The following SOX6 variants were observed in gnomAD, a reference collection of about 807,000 sequenced individuals.
SOX6 encodes the protein SRY-box transcription factor 6, also known as transcription factor SOX-6.
Under a neutral mutation model 97.8 loss-of-function variants are expected in SOX6, and 11 were observed. That is an observed-to-expected ratio of 0.11 (90% CI 0.07 to 0.19). The LOEUF is 0.19. Among genes scored for constraint, SOX6 ranks in the 10% least tolerant of loss-of-function variants. The probability of loss-of-function intolerance (pLI) is 1.00; values close to 1 mark genes in which losing one functional copy is unlikely to be tolerated. For missense variants in SOX6, 810 were observed against 1,039.5 expected (o/e 0.78, Z 3.04); for synonymous variants, 360 against 371.4 (o/e 0.97, Z 0.35).
At chr11:16,393,394 G>A (rs1478867988) in intron 1 of SOX6, among the ~76,000 whole-genome samples, 2 of 140,470 alleles carry the variant, frequency 1.4e-5, no homozygotes, top group Non-Finnish European at 1.6e-5. Flanking sequence ...AATACTTCCT[G>A]GCATTTGTTT....
intron 3 of SOX6, among the ~76,000 whole-genome samples, chr11:16,694,814 A>G (rs1214442389): frequency 6.6e-6 from 1 of 152,160 alleles, no homozygotes; most frequent in Admixed American, 6.6e-5. Flanking sequence ...CAACCAACAA[A>G]AGATCAAAAA....
At chr11:16,564,901 C>T (rs1362424062) in intron 4 of SOX6, among the ~76,000 whole-genome samples, 1 of 151,420 alleles carries the variant, frequency 6.6e-6, no homozygotes, top group African/African-American at 2.4e-5. Flanking sequence ...ATCTCAAGAA[C>T]CCAGAAAAAC....
chr11:16,237,986 G>A (rs951514442), intron 3 of SOX6, among the ~76,000 whole-genome samples: 6 of 151,798 alleles, frequency 4.0e-5, no homozygotes, highest in African/African-American at 9.7e-5. Flanking sequence ...AAAAATGAAC[G>A]TAAGTCATAA....
At chr11:16,107,006 A>C (rs575560474) in intron 7 of SOX6, among the ~76,000 whole-genome samples, 1 of 152,226 alleles carries the variant, frequency 6.6e-6, no homozygotes, top group Admixed American at 6.6e-5. Context: ...ATAAATCATT[A>C]AGGAAATGTA....
intron 6 of SOX6, among the ~76,000 whole-genome samples, chr11:16,116,352 C>G (rs538123309): frequency 6.6e-6 from 1 of 152,148 alleles, no homozygotes; most frequent in African/African-American, 2.4e-5. Flanking sequence ...AAAACAAAAC[C>G]ATGTGAGGTT....
rs571716226 is a variant in SOX6, at chr11:16,540,876, C to T, written n.610-64488G>A. On this transcript the variant is annotated intron_variant and non_coding_transcript_variant, in intron 4 of 5. Coordinates refer to the SOX6 transcript ENST00000524520. ...GCTCATGGGTAGGAAGAATCAATAT[C>T]GTGAAAATGGCCATACTGCCCAAGG... is the stretch of plus-strand genomic sequence containing the variant. Among the ~76,000 whole-genome samples the T allele has an allele frequency of 3.0e-4, 46 of 152,182 alleles. 1 individual carries two copies. The highest frequency in any genetic ancestry group is 1.9e-4 in the East Asian group (1 of 5,174).
chr11:16,663,441 G>A (rs1300140205), intron 3 of SOX6, among the ~76,000 whole-genome samples: 1 of 151,970 alleles, frequency 6.6e-6, no homozygotes. Context: ...TCCTGCTTCA[G>A]CCCCCCAAGT....
At chr11:16,336,524 C>G (rs1856465400) in intron 2 of SOX6, among the ~76,000 whole-genome samples, 1 of 152,138 alleles carries the variant, frequency 6.6e-6, no homozygotes, top group Non-Finnish European at 1.5e-5. Flanking sequence ...CAATCAAACT[C>G]TCACCTGCAC....
At position 16,648,939 on chromosome 11, in the gene SOX6, G is replaced by A. The variant is rs567314316; in HGVS notation, n.430-36679C>T. On this transcript the variant is annotated intron_variant and non_coding_transcript_variant, in intron 3 of 5. Transcript: ENST00000524520. ...AAAAGAAAAAATAATCACAACTTCT[G>A]GAAATGAAAGACACACTTAGAGAAA... is the stretch of plus-strand genomic sequence containing the variant. Among the ~76,000 whole-genome samples, 45 of 152,066 alleles carry A rather than the reference G, an allele frequency of 3.0e-4. No homozygotes were observed. In the South Asian group the frequency reaches 9.3e-3, roughly 32 times the overall value.
intron 3 of SOX6, among the ~76,000 whole-genome samples, chr11:16,647,204 T>A (rs1849028100): frequency 6.6e-6 from 1 of 152,158 alleles, no homozygotes; most frequent in African/African-American, 2.4e-5. Context: ...CTCTGCTCCC[T>A]GTTCCTTTTG....
chr11:16,055,919 C>CA lies in SOX6; in HGVS notation c.1102-19dup. On this transcript the variant is annotated intron_variant, in intron 9 of 15. Coordinates refer to ENST00000683767, the MANE Select transcript of SOX6 (RefSeq NM_001367873.1). ...TAGAGCTGCTGCAAAACAGGGAAGA[C>CA]AAACATTGATCTCTTTAAATGCAGC... is the stretch of plus-strand genomic sequence containing the variant. 3 of 1,612,896 alleles carry CA rather than the reference C, an allele frequency of 1.9e-6. No homozygotes were observed. The highest frequency in any genetic ancestry group is 2.5e-6 in the Non-Finnish European group (3 of 1,179,638).
chr11:16,490,052 G>A (rs1282881218), intron 4 of SOX6, among the ~76,000 whole-genome samples: 2 of 152,002 alleles, frequency 1.3e-5, no homozygotes, highest in African/African-American at 4.8e-5. Flanking sequence ...AGCCCACAAA[G>A]TAATAAGTGT....
At chr11:16,434,645 G>A (rs1875717) in intron 1 of SOX6, among the ~76,000 whole-genome samples, 45,403 of 151,894 alleles carry the variant, frequency 0.3, 6,928 homozygotes, top group East Asian at 0.51. Flanking sequence ...ATTCTTTGAC[G>A]TAAAAGGCCC....
chr11:16,417,710 T>C (rs915205544), intron 1 of SOX6, among the ~76,000 whole-genome samples: 1 of 152,212 alleles, frequency 6.6e-6, no homozygotes, highest in Non-Finnish European at 1.5e-5. Flanking sequence ...GCCCCAACTA[T>C]TTTTATAAAA....
At chr11:16,501,698 G>A (rs1054249722) in intron 4 of SOX6, among the ~76,000 whole-genome samples, 6 of 152,050 alleles carry the variant, frequency 3.9e-5, no homozygotes, top group African/African-American at 1.4e-4. Flanking sequence ...GCAGCCAAAA[G>A]ACACATGAAC....
chr11:16,331,955 C>T (rs1856315579), intron 2 of SOX6, among the ~76,000 whole-genome samples: 3 of 152,152 alleles, frequency 2.0e-5, no homozygotes, highest in Admixed American at 1.3e-4. Flanking sequence ...ATTTTCCCCT[C>T]TTAACTTCCA....
At chr11:16,307,023 T>C (rs1161087017) in intron 3 of SOX6, among the ~76,000 whole-genome samples, 3 of 152,104 alleles carry the variant, frequency 2.0e-5, no homozygotes, top group Admixed American at 6.5e-5. Context: ...CTAATATAAC[T>C]AAGGAATGTC....
At chr11:16,608,952 G>T (rs61008039) in intron 4 of SOX6, among the ~76,000 whole-genome samples, 1,617 of 152,238 alleles carry the variant, frequency 0.011, 36 homozygotes, top group African/African-American at 0.037. Context: ...ATATAAAAAT[G>T]CCTAAGTCAG....
intron 3 of SOX6, among the ~76,000 whole-genome samples, chr11:16,269,184 G>A (rs1434911051): frequency 6.6e-6 from 1 of 150,566 alleles, no homozygotes. Context: ...GTTTATCTAT[G>A]CCCTAGTGAT....
Sources: gnomAD v4.1 joint callset for allele counts (sites outside exome capture counted in the v4.1 genomes callset) on GRCh38, gnomAD v4.1.1 for gene constraint, MANE v1.5 for transcripts, NCBI Gene and HGNC (gene_info 2026-07-23, HGNC 2026-07-21) for gene names.